WDR5: variants seen among roughly 807,000 people sequenced by gnomAD.
The protein encoded by WDR5 is WD repeat-containing protein 5.
For synonymous variants in WDR5, 144 were observed against 161.6 expected, an observed-to-expected ratio of 0.89 and a Z score of 0.83; for missense variants, 187 against 416.9, an observed-to-expected ratio of 0.45 and a Z score of 4.80.
Position 134,158,038 on chromosome 9 carries a change from G to A in WDR5, c.*45G>A, listed in dbSNP as rs746609362. ...CGAGAGACTGTCGGGAAGTTGACCC[G>A]GATTGGCAAGAAACAGGGTGTCTTG... is the stretch of plus-strand genomic sequence containing the variant. On this transcript the variant is annotated 3_prime_UTR_variant, in exon 14 of 14. Coordinates refer to ENST00000358625, the MANE Select transcript of WDR5 (RefSeq NM_017588.3). The A allele has an allele frequency of 1.1e-5, 17 of 1,577,274 alleles. No individual in the cohort carries two copies. The highest frequency in any genetic ancestry group is 6.7e-5 in the South Asian group (6 of 90,194).
At chr9:134,153,183 G>T (rs963707321) in intron 9 of WDR5, among the ~76,000 whole-genome samples, 4 of 152,184 alleles carry the variant, frequency 2.6e-5, no homozygotes, top group African/African-American at 9.7e-5. Context: ...CGCCGCTGTT[G>T]TGTGAGCACA....
At chr9:134,151,576 T>C (rs1406663033) in intron 8 of WDR5, among the ~76,000 whole-genome samples, 4 of 152,172 alleles carry the variant, frequency 2.6e-5, no homozygotes, top group Non-Finnish European at 5.9e-5. Context: ...AATTTTTGTT[T>C]TGAAAGAAGC....
At chr9:134,156,930 G>T (rs1460759774) in intron 13 of WDR5, among the ~76,000 whole-genome samples, 1 of 152,218 alleles carries the variant, frequency 6.6e-6, no homozygotes, top group Non-Finnish European at 1.5e-5. Context: ...GGGACAGTGA[G>T]GTCATCGCTG....
chr9:134,144,167 C>CT (rs1275169505), intron 7 of WDR5, among the ~76,000 whole-genome samples: 2 of 152,256 alleles, frequency 1.3e-5, no homozygotes, highest in Non-Finnish European at 2.9e-5. Flanking sequence ...GCTGCGGGGT[C>CT]TGAGCCCCGC....
chr9:134,136,052 C>A (rs1365890361), upstream of WDR5: 1 of 148,954 alleles, frequency 6.7e-6, no homozygotes, highest in South Asian at 2.1e-4. Context: ...CCCCCGGACA[C>A]CGCCCCCTCC....
In WDR5 at chr9:134,142,621, C is replaced by G. The variant is rs770531710; in HGVS notation, c.445-15C>G. The G allele has an allele frequency of 1.2e-6, 2 of 1,614,026 alleles. No homozygotes were observed. Among genetic ancestry groups the G allele is most frequent in the Non-Finnish European group, 1.7e-6 (2 of 1,179,916 alleles). The stretch of plus-strand genomic sequence containing the variant: ...CTCCTTCCTGTAAAATCACTGTCAT[C>G]TCTTTTGTGTTCAGTTTGACGAAAG... On this transcript the variant is annotated splice_polypyrimidine_tract_variant and intron_variant, in intron 6 of 13. Transcript: ENST00000358625.
At chr9:134,145,023 G>C (rs1040382195) in intron 7 of WDR5, among the ~76,000 whole-genome samples, 2 of 150,846 alleles carry the variant, frequency 1.3e-5, no homozygotes, top group Non-Finnish European at 2.9e-5. Context: ...CACAGCTGCT[G>C]CTCCGTAGCT....
intron 3 of WDR5, 91 bp from the exon 4 acceptor site, chr9:134,141,419 G>T (rs1237819960): frequency 3.2e-6 from 4 of 1,258,860 alleles, no homozygotes; most frequent in South Asian, 2.5e-5. Flanking sequence ...GATCACCTGG[G>T]ACTCATGTGG....
At chr9:134,142,136 C>T (rs1395358343) in intron 5 of WDR5, 98 bp downstream of exon 5, 62 of 1,048,996 alleles carry the variant, frequency 5.9e-5, no homozygotes, top group Admixed American at 5.3e-4. Flanking sequence ...CAACACTCAG[C>T]GCTCCTCTCC....
chr9:134,143,181 C>G (rs568795038), intron 7 of WDR5, among the ~76,000 whole-genome samples: 1 of 152,318 alleles, frequency 6.6e-6, no homozygotes, highest in Admixed American at 6.5e-5. Context: ...GAGGCTGGAG[C>G]TCTCCGGAGA....
At chr9:134,146,287 T>C (rs993759702) in intron 7 of WDR5, among the ~76,000 whole-genome samples, 1 of 151,448 alleles carries the variant, frequency 6.6e-6, no homozygotes, top group African/African-American at 2.4e-5. Flanking sequence ...CAAGCTGGAA[T>C]ACAGTGACGC....
At chr9:134,141,059 G>A (rs889355954) in intron 3 of WDR5, among the ~76,000 whole-genome samples, 1 of 152,150 alleles carries the variant, frequency 6.6e-6, no homozygotes, top group Admixed American at 6.5e-5. Context: ...AGAGGCAGGC[G>A]GATCACGAGG....
At chr9:134,138,041 C>T (rs78083692) in intron 1 of WDR5, among the ~76,000 whole-genome samples, 2,257 of 152,310 alleles carry the variant, frequency 0.015, 52 homozygotes, top group African/African-American at 0.052. Context: ...TGTGCCCAGC[C>T]ATCATATTCT....
intron 12 of WDR5, 61 bp from the exon 13 acceptor site, chr9:134,156,445 C>T: frequency 6.6e-7 from 1 of 1,520,148 alleles, no homozygotes; most frequent in Non-Finnish European, 9.1e-7. Flanking sequence ...CTCTCCCTTT[C>T]ACATGCATGA....
Position 134,159,781 on chromosome 9 carries a change from G to C in WDR5, c.*1788G>C, listed in dbSNP as rs1186588426. On this transcript the variant is annotated 3_prime_UTR_variant, in exon 14 of 14. Transcript: ENST00000358625. The surrounding 1 kb of genome is among the most constrained non-coding windows in gnomAD (Gnocchi z 4.3). ...CGTGCCAGCCTGTGGCTGCCCTGCT[G>C]TGGGGGTCCTGGGGCCGGCGAGGCC... 1 of 152,234 alleles carries C rather than the reference G, an allele frequency of 6.6e-6. No homozygotes were observed. The highest frequency in any genetic ancestry group is 1.5e-5 in the Non-Finnish European group (1 of 68,066). The allele number at this position is 152,234 out of a possible 1,614,324, so 9.4% of individuals were successfully genotyped here.
At chr9:134,156,451 C>G in intron 12 of WDR5, 55 bp from the exon 13 acceptor site, 1 of 1,541,502 alleles carries the variant, frequency 6.5e-7, no homozygotes, top group African/African-American at 1.4e-5. Flanking sequence ...CTTTCACATG[C>G]ATGAGCTCTG....
chr9:134,142,522 T>A, intron 6 of WDR5, 100 bp downstream of exon 6: 1 of 1,555,594 alleles, frequency 6.4e-7, no homozygotes. Context: ...AGGTGGGCCC[T>A]GAGTCCTTTC....
Position 134,158,111 on chromosome 9 carries a change from T to TTGAG in WDR5, c.*119_*122dup. The TTGAG allele has an allele frequency of 1.2e-6, 1 of 842,034 alleles. No homozygotes were observed. The highest frequency in any genetic ancestry group is 1.6e-5 in the South Asian group (1 of 64,362). The allele number at this position is 842,034 out of a possible 1,614,324, so 52.2% of individuals were successfully genotyped here. A position where few individuals can be genotyped will look rare whatever the true frequency, so the allele number is the denominator to read the frequency against. ...CCTGGGGGTCAGGACAGGGCCTGAT[T>TTGAG]TGAGCCTCCTCTCTGAAGATGATTT... On this transcript the variant is annotated 3_prime_UTR_variant, in exon 14 of 14. Coordinates refer to ENST00000358625, the MANE Select transcript of WDR5 (RefSeq NM_017588.3).
chr9:134,144,076 C>T (rs1185685814), intron 7 of WDR5, among the ~76,000 whole-genome samples: 1 of 152,232 alleles, frequency 6.6e-6, no homozygotes, highest in Non-Finnish European at 1.5e-5. Context: ...GCATTTTTAC[C>T]CTTGGAAGGC....
Sources: gnomAD v4.1 joint callset for allele counts (sites outside exome capture counted in the v4.1 genomes callset) on GRCh38, gnomAD v4.1.1 for gene constraint, Gnocchi (gnomAD v3.1) non-coding constraint, MANE v1.5 for transcripts, NCBI Gene and HGNC (gene_info 2026-07-23, HGNC 2026-07-21) for gene names.